KLF13: variants seen among roughly 807,000 people sequenced by gnomAD.
The protein encoded by KLF13 is KLF transcription factor 13, also known as Krueppel-like factor 13.
A neutral mutation model predicts 16.7 loss-of-function variants in KLF13; 8 were observed. That is an observed-to-expected ratio of 0.48 (90% CI 0.28 to 0.87). KLF13 has a LOEUF of 0.87. KLF13 is among the 40% of genes least tolerant of loss of function. The pLI is 0.10. For synonymous variants in KLF13, 245 were observed against 208.4 expected, an observed-to-expected ratio of 1.18 and a Z score of -1.51; for missense variants, 447 against 452.2, an observed-to-expected ratio of 0.99 and a Z score of 0.10.
intron 1 of KLF13, among the ~76,000 whole-genome samples, chr15:31,387,080 T>G (rs2039803744): frequency 6.6e-6 from 1 of 152,224 alleles, no homozygotes; most frequent in South Asian, 2.1e-4. Context: ...ATTGTTGAAA[T>G]GACAGCAAAG....
At chr15:31,352,938 G>A (rs1300563748) in intron 1 of KLF13, among the ~76,000 whole-genome samples, 1 of 152,118 alleles carries the variant, frequency 6.6e-6, no homozygotes, top group Non-Finnish European at 1.5e-5. Flanking sequence ...AGCATGACGA[G>A]GCTGGACCCA....
intron 1 of KLF13, among the ~76,000 whole-genome samples, chr15:31,383,328 G>T (rs533604903): frequency 3.9e-5 from 6 of 152,198 alleles, no homozygotes; most frequent in Non-Finnish European, 7.3e-5. Context: ...CTCTCCCACC[G>T]TGGCCCAGTG....
At chr15:31,395,860 G>A (rs1231450839) in intron 2 of KLF13, among the ~76,000 whole-genome samples, 1 of 152,196 alleles carries the variant, frequency 6.6e-6, no homozygotes, top group Non-Finnish European at 1.5e-5. Context: ...CCCAAGTCAT[G>A]CTGCTGCTTG....
At chr15:31,390,562 C>T (rs2039849442), upstream of KLF13, among the ~76,000 whole-genome samples, 1 of 152,214 alleles carries the variant, frequency 6.6e-6, no homozygotes, top group East Asian at 1.9e-4. Flanking sequence ...ATCTTACTCC[C>T]TGTTGCTCTG....
At chr15:31,386,207 AAAGT>A (rs1446337140) in intron 1 of KLF13, among the ~76,000 whole-genome samples, 1 of 152,220 alleles carries the variant, frequency 6.6e-6, no homozygotes, top group Non-Finnish European at 1.5e-5. Context: ...TTAAAGAAAG[AAAGT>A]ATTAGGCTGG....
upstream of KLF13, among the ~76,000 whole-genome samples, chr15:31,390,338 G>A (rs572441346): frequency 1.9e-3 from 296 of 152,242 alleles, 2 homozygotes; most frequent in Non-Finnish European, 3.2e-3. Context: ...TGGGACGATG[G>A]GTTTCTGCTT....
downstream of KLF13, among the ~76,000 whole-genome samples, chr15:31,378,820 A>G (rs1351892379): frequency 6.6e-6 from 1 of 152,142 alleles, no homozygotes; most frequent in African/African-American, 2.4e-5. Flanking sequence ...CTCAGGTTCG[A>G]ACGATTCTTC....
chr15:31,327,109 G>A lies in KLF13; in HGVS notation c.-104G>A, dbSNP rs1037679286. ...CAGCCCAGCCCAGCCCGAGGAGAGG[G>A]CGCGCCGCGCCCCCGCCCCCCGCCC... On this transcript the variant is annotated 5_prime_UTR_variant, in exon 1 of 2. Transcript: ENST00000307145. 159 of 1,009,770 alleles carry A rather than the reference G, an allele frequency of 1.6e-4. 1 individual carries two copies. Among genetic ancestry groups the A allele is most frequent in the Admixed American group, 5.0e-4 (10 of 20,154 alleles). The allele number at this position is 1,009,770 out of a possible 1,614,324, so 62.6% of individuals were successfully genotyped here. A position where few individuals can be genotyped will look rare whatever the true frequency, so the allele number is the denominator to read the frequency against.
At chr15:31,391,211 G>C (rs1488097546), upstream of KLF13, among the ~76,000 whole-genome samples, 1 of 95,500 alleles carries the variant, frequency 1.0e-5, no homozygotes, top group Non-Finnish European at 2.2e-5. Context: ...TGGTCCTGTG[G>C]GGGGGCTGGG....
At chr15:31,431,285 T>C (rs1213470444) in intron 1 of KLF13, among the ~76,000 whole-genome samples, 2 of 152,074 alleles carry the variant, frequency 1.3e-5, no homozygotes, top group African/African-American at 4.8e-5. Context: ...GTGCTTGTTG[T>C]TTAAGCCATC....
intron 1 of KLF13, among the ~76,000 whole-genome samples, chr15:31,383,295 C>T (rs554527967): frequency 2.6e-5 from 4 of 152,324 alleles, no homozygotes; most frequent in African/African-American, 9.6e-5. Context: ...GGGAGGATGG[C>T]CTCCTTCCCG....
chr15:31,405,059 T>C (rs1319133965), downstream of KLF13, among the ~76,000 whole-genome samples: 3 of 152,282 alleles, frequency 2.0e-5, no homozygotes, highest in East Asian at 5.8e-4. Context: ...GAAACTCATA[T>C]GTTGAGTTTC....
chr15:31,434,139 G>A (rs574871566), intron 1 of KLF13, among the ~76,000 whole-genome samples: 3 of 152,326 alleles, frequency 2.0e-5, no homozygotes, highest in Admixed American at 2.0e-4. Flanking sequence ...TGTGTGCCAG[G>A]CTCGTTGCTT....
chr15:31,336,467 C>T (rs894072373), intron 1 of KLF13, among the ~76,000 whole-genome samples: 2 of 152,204 alleles, frequency 1.3e-5, no homozygotes, highest in Non-Finnish European at 2.9e-5. Context: ...TCTTGGGCCA[C>T]ACCTAAGTAT....
chr15:31,426,106 A>C (rs2040398187), intron 1 of KLF13, among the ~76,000 whole-genome samples: 4 of 152,174 alleles, frequency 2.6e-5, no homozygotes, highest in Admixed American at 2.0e-4. Context: ...AAACCACCTC[A>C]GCCTGGACTT....
intron 1 of KLF13, 139 bp downstream of exon 1, chr15:31,327,928 G>A (rs1321916225): frequency 2.9e-6 from 3 of 1,019,108 alleles, no homozygotes; most frequent in East Asian, 6.3e-5. Context: ...CCCTTCCCCT[G>A]CCGCTCCGAC....
chr15:31,400,155 T>G (rs1470475797), intron 2 of KLF13, among the ~76,000 whole-genome samples: 1 of 152,062 alleles, frequency 6.6e-6, no homozygotes, highest in Non-Finnish European at 1.5e-5. Flanking sequence ...CCCACTCTGC[T>G]CTCCCTCCAC....
chr15:31,418,477 T>G (rs1254457106), intron 1 of KLF13, among the ~76,000 whole-genome samples: 1 of 152,100 alleles, frequency 6.6e-6, no homozygotes, highest in African/African-American at 2.4e-5. Context: ...ATGATATACT[T>G]TAGTAACAGT....
chr15:31,408,750 AT>A (rs1397251251), downstream of KLF13, among the ~76,000 whole-genome samples: 2 of 152,210 alleles, frequency 1.3e-5, no homozygotes, highest in Admixed American at 6.5e-5. Flanking sequence ...AATTGTAATG[AT>A]TAGTGTGTTA....
Sources: gnomAD v4.1 joint callset for allele counts (sites outside exome capture counted in the v4.1 genomes callset) on GRCh38, gnomAD v4.1.1 for gene constraint, MANE v1.5 for transcripts, NCBI Gene and HGNC (gene_info 2026-07-23, HGNC 2026-07-21) for gene names.